TAFA1: variants seen among roughly 807,000 people sequenced by gnomAD.
TAFA1 encodes chemokine-like protein TAFA-1.
Under a neutral mutation model 18.5 loss-of-function variants are expected in TAFA1, and 4 were observed. The observed-to-expected ratio is 0.22, with a 90% confidence interval of 0.11 to 0.49. TAFA1 has a LOEUF of 0.49. Among genes scored for constraint, TAFA1 ranks in the 20% least tolerant of loss-of-function variants. TAFA1 has a pLI of 0.98. For missense variants in TAFA1, 147 were observed against 169.0 expected, an observed-to-expected ratio of 0.87 and a Z score of 0.72; for synonymous variants, 56 against 55.2, an observed-to-expected ratio of 1.01 and a Z score of -0.06.
chr3:68,175,250 A>G (rs752308096), intron 2 of TAFA1, among the ~76,000 whole-genome samples: 2 of 152,198 alleles, frequency 1.3e-5, no homozygotes, highest in African/African-American at 2.4e-5. Context: ...TGGAGCCCCA[A>G]CACAGAGTCC....
At chr3:68,195,662 CTTGTCCACCA>C (rs2066401837) in intron 2 of TAFA1, among the ~76,000 whole-genome samples, 1 of 151,642 alleles carries the variant, frequency 6.6e-6, no homozygotes. Context: ...TTCAGCCCAA[CTTGTCCACCA>C]TGTTAAGGCT....
At chr3:68,490,743 T>A (rs1482917668) in intron 3 of TAFA1, among the ~76,000 whole-genome samples, 3 of 152,212 alleles carry the variant, frequency 2.0e-5, no homozygotes, top group Non-Finnish European at 4.4e-5. Context: ...AAAATATTTT[T>A]AATTTTTCAC....
chr3:68,023,678 T>A (rs529775636), intron 2 of TAFA1, among the ~76,000 whole-genome samples: 3 of 152,236 alleles, frequency 2.0e-5, no homozygotes, highest in African/African-American at 7.2e-5. Context: ...ATATCCAATG[T>A]TGTATCAGTT....
intron 2 of TAFA1, among the ~76,000 whole-genome samples, chr3:68,092,624 C>G (rs972072411): frequency 3.9e-5 from 6 of 152,150 alleles, no homozygotes; most frequent in Non-Finnish European, 8.8e-5. Context: ...GTAAATCTTT[C>G]ATGGGGCTTA....
At chr3:68,505,546 G>A (rs2072733033) in intron 3 of TAFA1, among the ~76,000 whole-genome samples, 1 of 152,166 alleles carries the variant, frequency 6.6e-6, no homozygotes, top group African/African-American at 2.4e-5. Context: ...TGTCTTACCA[G>A]GGTGCAATCA....
At chr3:68,540,617 C>T (rs1385468840) in intron 4 of TAFA1, among the ~76,000 whole-genome samples, 1 of 152,112 alleles carries the variant, frequency 6.6e-6, no homozygotes, top group Non-Finnish European at 1.5e-5. Flanking sequence ...AATCTCTTTT[C>T]TCTATTCTAA....
intron 2 of TAFA1, among the ~76,000 whole-genome samples, chr3:68,316,592 A>C (rs2068609684): frequency 1.3e-5 from 2 of 152,086 alleles, no homozygotes; most frequent in Non-Finnish European, 2.9e-5. Context: ...AAACATAATA[A>C]AAACCTTTTA....
At chr3:68,096,370 A>T (rs895874566) in intron 2 of TAFA1, among the ~76,000 whole-genome samples, 3 of 152,096 alleles carry the variant, frequency 2.0e-5, no homozygotes, top group Non-Finnish European at 4.4e-5. Context: ...TGCCATCCAC[A>T]TATTAATTAA....
At chr3:68,213,281 T>C (rs961036723) in intron 2 of TAFA1, among the ~76,000 whole-genome samples, 2 of 152,206 alleles carry the variant, frequency 1.3e-5, no homozygotes, top group Middle Eastern at 3.4e-3. Context: ...AATCAAACTG[T>C]GTCCATAATT....
At chr3:68,018,934 G>A (rs1704624340) in intron 2 of TAFA1, among the ~76,000 whole-genome samples, 1 of 152,116 alleles carries the variant, frequency 6.6e-6, no homozygotes, top group Admixed American at 6.6e-5. Context: ...CATTTGGTCT[G>A]AACCAAAACC....
chr3:68,397,616 A>G (rs902848389), intron 2 of TAFA1, among the ~76,000 whole-genome samples: 6 of 152,104 alleles, frequency 3.9e-5, no homozygotes, highest in African/African-American at 1.4e-4. Context: ...CAGTGACACA[A>G]TAAACACACG....
intron 2 of TAFA1, among the ~76,000 whole-genome samples, chr3:68,151,799 C>G (rs1431591571): frequency 6.6e-6 from 1 of 152,134 alleles, no homozygotes; most frequent in Non-Finnish European, 1.5e-5. Flanking sequence ...GGAACACATT[C>G]AAACTATGGA....
chr3:68,069,480 G>C (rs1408810005), intron 2 of TAFA1, among the ~76,000 whole-genome samples: 1 of 152,140 alleles, frequency 6.6e-6, no homozygotes. Flanking sequence ...ACTTGTGGGA[G>C]ATACAGTTCA....
chr3:68,116,479 G>C (rs74401996), intron 2 of TAFA1, among the ~76,000 whole-genome samples: 100 of 152,000 alleles, frequency 6.6e-4, no homozygotes, highest in African/African-American at 2.3e-3. Context: ...ATTCAACTTC[G>C]CTATTTCTCT....
chr3:68,414,410 A>G (rs934075391), intron 2 of TAFA1, among the ~76,000 whole-genome samples: 1 of 152,172 alleles, frequency 6.6e-6, no homozygotes, highest in South Asian at 2.1e-4. Flanking sequence ...CCAAGTGTCA[A>G]ACATTTTCTT....
chr3:68,056,840 C>A (rs2064542657), intron 2 of TAFA1, among the ~76,000 whole-genome samples: 1 of 152,122 alleles, frequency 6.6e-6, no homozygotes, highest in African/African-American at 2.4e-5. Context: ...AGTATGCAGA[C>A]ATTGGCAGCA....
intron 3 of TAFA1, among the ~76,000 whole-genome samples, chr3:68,456,222 T>C (rs2071662935): frequency 6.6e-6 from 1 of 152,142 alleles, no homozygotes; most frequent in Non-Finnish European, 1.5e-5. Flanking sequence ...CCTTCAAGAC[T>C]CAGGGGTTAG....
Position 68,417,400 on chromosome 3 carries a change from A to G in TAFA1, c.239A>G (p.Asn80Ser), listed in dbSNP as rs1388420641. ...GGAAAAGTGGCTGGAACAACAAGAAACCGGCCTTCTTGCGTCGATGGTAGG... is the reference window on the plus strand; with the variant it reads ...GGAAAAGTGGCTGGAACAACAAGAAGCCGGCCTTCTTGCGTCGATGGTAGG... ...LPGKVAGTTR[N>S]RPSCVDASIV... The change falls in exon 3 of 5, where the codon AAC (asparagine) becomes AGC (serine). Residue 80 changes from asparagine to serine, a missense_variant. Asn to Ser is a conservative substitution (Grantham distance 46, BLOSUM62 1). Coordinates refer to ENST00000478136, the MANE Select transcript of TAFA1 (RefSeq NM_213609.4). 6.2e-7 allele frequency: 1 copy of G among 1,613,260 alleles called. No homozygotes were observed. Among genetic ancestry groups the G allele is most frequent in the Non-Finnish European group, 8.5e-7 (1 of 1,179,582 alleles).
chr3:68,508,215 T>A (rs1042306046), intron 3 of TAFA1, among the ~76,000 whole-genome samples: 1 of 150,916 alleles, frequency 6.6e-6, no homozygotes, highest in Non-Finnish European at 1.5e-5. Flanking sequence ...TCCTGTCAGA[T>A]CAGGGCCCCA....
Sources: allele counts gnomAD v4.1 joint callset (sites outside exome capture counted in the v4.1 genomes callset), GRCh38; gene constraint gnomAD v4.1.1; transcripts MANE v1.5; gene names NCBI Gene and HGNC (gene_info 2026-07-23, HGNC 2026-07-21).